ELMO1: variants seen among roughly 807,000 people sequenced by gnomAD.
ELMO1 encodes engulfment and cell motility 1, also known as engulfment and cell motility protein 1.
Under a neutral mutation model 98.9 loss-of-function variants are expected in ELMO1, and 26 were observed. The ratio of observed to expected loss-of-function variants is 0.26; its 90% CI spans 0.19 to 0.36. The LOEUF (loss-of-function observed/expected upper bound fraction) is 0.36. ELMO1 is among the 10% of genes least tolerant of loss of function. The pLI is 1.00. For synonymous variants in ELMO1, 346 were observed against 346.0 expected (o/e 1.00, Z 0.00); for missense variants, 627 against 935.2 (o/e 0.67, Z 4.30).
intron 4 of ELMO1, among the ~76,000 whole-genome samples, chr7:37,281,931 T>A (rs1797161048): frequency 6.6e-6 from 1 of 152,062 alleles, no homozygotes; most frequent in Non-Finnish European, 1.5e-5. Context: ...TCATATTTAC[T>A]CATAGCCAGC....
In ELMO1 at chr7:36,870,848, G is replaced by A. The variant is rs1803443730; in HGVS notation, c.1823-373C>T. Among the ~76,000 whole-genome samples the A allele has an allele frequency of 6.6e-6, 1 of 152,098 alleles. No homozygotes were observed. Among genetic ancestry groups the A allele is most frequent in the Admixed American group, 6.5e-5 (1 of 15,276 alleles). ...TGATACTCATACTGATATTACAGAG[G>A]GCTCCTGTGTGACAAGAGCAATGCC... is the stretch of plus-strand genomic sequence containing the variant. On this transcript the variant is annotated intron_variant, in intron 19 of 21. Coordinates refer to ENST00000310758, the MANE Select transcript of ELMO1 (RefSeq NM_014800.11). The surrounding 1 kb of genome is among the most constrained non-coding windows in gnomAD (Gnocchi z 4.4).
chr7:36,974,644 G>A (rs1177692287), intron 16 of ELMO1, among the ~76,000 whole-genome samples: 1 of 152,194 alleles, frequency 6.6e-6, no homozygotes, highest in Non-Finnish European at 1.5e-5. Context: ...CAGGACATGG[G>A]TGGGGCCAGA....
chr7:37,445,578 C>T (rs1250231415), intron 1 of ELMO1, among the ~76,000 whole-genome samples: 1 of 151,506 alleles, frequency 6.6e-6, no homozygotes, highest in Non-Finnish European at 1.5e-5. Context: ...ACCCGCCCCA[C>T]CCACTCACAC....
At chr7:36,909,829 C>T (rs1293790231) in intron 16 of ELMO1, among the ~76,000 whole-genome samples, 2 of 152,316 alleles carry the variant, frequency 1.3e-5, no homozygotes, top group East Asian at 1.9e-4. Context: ...TCCCAAAGTA[C>T]TGGTGAGGCC....
intron 15 of ELMO1, among the ~76,000 whole-genome samples, chr7:37,046,856 A>T (rs939118201): frequency 6.6e-6 from 1 of 152,238 alleles, no homozygotes; most frequent in African/African-American, 2.4e-5. Context: ...AAGTGATTCC[A>T]GTACAAAGAA....
intron 1 of ELMO1, among the ~76,000 whole-genome samples, chr7:37,389,651 G>A (rs1439329083): frequency 6.6e-6 from 1 of 152,102 alleles, no homozygotes; most frequent in Non-Finnish European, 1.5e-5. Flanking sequence ...ATAATAGCTT[G>A]GTCACAGGTA....
intron 13 of ELMO1, among the ~76,000 whole-genome samples, chr7:37,167,220 GCC>G (rs1789773305): frequency 4.6e-5 from 7 of 150,634 alleles, no homozygotes; most frequent in South Asian, 2.1e-4. Context: ...TTTATTTTGA[GCC>G]TATGTGTGTC....
intron 13 of ELMO1, among the ~76,000 whole-genome samples, chr7:37,199,617 T>A (rs1419309837): frequency 6.6e-6 from 1 of 152,064 alleles, no homozygotes; most frequent in African/African-American, 2.4e-5. Context: ...GAGTAACATA[T>A]CCCATACGAA....
intron 14 of ELMO1, among the ~76,000 whole-genome samples, chr7:37,127,876 G>T (rs528158675): frequency 1.3e-5 from 2 of 152,162 alleles, no homozygotes; most frequent in African/African-American, 4.8e-5. Context: ...GTAGTTCCCA[G>T]TGAATAAAAT....
intron 14 of ELMO1, among the ~76,000 whole-genome samples, chr7:37,118,781 TG>T (rs1430393545): frequency 1.3e-5 from 2 of 152,190 alleles, no homozygotes; most frequent in Non-Finnish European, 2.9e-5. Flanking sequence ...AGAAGGTGTC[TG>T]GGGCTCTAAG....
intron 6 of ELMO1, among the ~76,000 whole-genome samples, chr7:37,244,973 C>CT (rs1554281760): frequency 6.6e-6 from 1 of 152,036 alleles, no homozygotes; most frequent in Non-Finnish European, 1.5e-5. Context: ...GATACTTATG[C>CT]TTTTTTAAAA....
chr7:37,297,553 T>C (rs541204411), intron 4 of ELMO1, among the ~76,000 whole-genome samples: 1 of 150,260 alleles, frequency 6.7e-6, no homozygotes, highest in African/African-American at 2.4e-5. Flanking sequence ...TATAATGAAA[T>C]AGTTAAGGAA....
At chr7:36,888,344 A>T (rs979284605) in intron 17 of ELMO1, among the ~76,000 whole-genome samples, 3 of 148,952 alleles carry the variant, frequency 2.0e-5, no homozygotes, top group East Asian at 1.9e-4. Context: ...TGGTTTTCAA[A>T]TTTTTTTTTT....
intron 16 of ELMO1, among the ~76,000 whole-genome samples, chr7:36,981,264 T>G (rs1285185509): frequency 6.6e-6 from 1 of 151,162 alleles, no homozygotes; most frequent in African/African-American, 2.4e-5. Flanking sequence ...GGGGACATCA[T>G]TAGGAGACTA....
chr7:37,173,025 C>A (rs1272252993), intron 13 of ELMO1, among the ~76,000 whole-genome samples: 3 of 152,114 alleles, frequency 2.0e-5, no homozygotes, highest in African/African-American at 7.2e-5. Context: ...TATGTAAGAA[C>A]CTTCTGTTAT....
intron 15 of ELMO1, among the ~76,000 whole-genome samples, chr7:37,080,567 A>G (rs1053436529): frequency 2.8e-5 from 4 of 144,412 alleles, no homozygotes; most frequent in Non-Finnish European, 6.0e-5. Flanking sequence ...CATCCCAAGT[A>G]GCTGGGACTA....
chr7:36,973,745 G>A (rs977538251), intron 16 of ELMO1, among the ~76,000 whole-genome samples: 4 of 152,216 alleles, frequency 2.6e-5, no homozygotes, highest in East Asian at 1.9e-4. Context: ...AGGTGTGGAG[G>A]GAGAGGCGCG....
chr7:36,948,595 C>T, intron 16 of ELMO1, among the ~76,000 whole-genome samples: 1 of 152,180 alleles, frequency 6.6e-6, no homozygotes, highest in Admixed American at 6.5e-5. Flanking sequence ...ATTTATTGAC[C>T]TCTTGACTGT....
intron 21 of ELMO1, among the ~76,000 whole-genome samples, chr7:36,856,830 C>T (rs1259535594): frequency 6.6e-5 from 10 of 152,212 alleles, no homozygotes; most frequent in Admixed American, 1.3e-4. Context: ...AATTGTTCTC[C>T]TCTTCTGTTG....
Sources: gnomAD v4.1 joint callset for allele counts (sites outside exome capture counted in the v4.1 genomes callset) on GRCh38, gnomAD v4.1.1 for gene constraint, Gnocchi (gnomAD v3.1) non-coding constraint, MANE v1.5 for transcripts, NCBI Gene and HGNC (gene_info 2026-07-23, HGNC 2026-07-21) for gene names.